The following WBP1L variants were observed in gnomAD, a reference collection of about 807,000 sequenced individuals.
WBP1L encodes WW domain binding protein 1-like.
Under a neutral mutation model 33.7 loss-of-function variants are expected in WBP1L, and 17 were observed. That is an observed-to-expected ratio of 0.50 (90% confidence interval 0.34 to 0.76). WBP1L has a LOEUF of 0.76. Among genes scored for constraint, WBP1L ranks in the 30% least tolerant of loss-of-function variants. The probability of loss-of-function intolerance (pLI) is 0.01; values close to 1 mark genes in which losing one functional copy is unlikely to be tolerated. For synonymous variants in WBP1L, 173 were observed against 190.8 expected (o/e 0.91, Z 0.77); for missense variants, 389 against 469.4 (o/e 0.83, Z 1.58).
intron 1 of WBP1L, among the ~76,000 whole-genome samples, chr10:102,789,405 G>C (rs1372085856): frequency 6.6e-6 from 1 of 152,274 alleles, no homozygotes. Flanking sequence ...CACCAAGCTT[G>C]TTTCTGCCCT....
chr10:102,769,975 T>C (rs1011998504), intron 1 of WBP1L, among the ~76,000 whole-genome samples: 1 of 152,230 alleles, frequency 6.6e-6, no homozygotes, highest in African/African-American at 2.4e-5. Flanking sequence ...GTGTGTGTTT[T>C]CTTGCCTCAG....
intron 1 of WBP1L, among the ~76,000 whole-genome samples, chr10:102,766,351 G>A (rs1419729283): frequency 7.0e-6 from 1 of 142,014 alleles, no homozygotes; most frequent in Non-Finnish European, 1.5e-5. Context: ...TGAGGTAGGA[G>A]AATTTCTTGA....
At chr10:102,749,120 G>T (rs1842898434) in intron 1 of WBP1L, among the ~76,000 whole-genome samples, 3 of 152,202 alleles carry the variant, frequency 2.0e-5, no homozygotes, top group South Asian at 4.1e-4. Flanking sequence ...CTTCTGTGAT[G>T]CTGGAAATGA....
intron 1 of WBP1L, among the ~76,000 whole-genome samples, chr10:102,749,468 T>G (rs1336573766): frequency 6.6e-6 from 1 of 151,338 alleles, no homozygotes; most frequent in African/African-American, 2.4e-5. Flanking sequence ...TTTTTTTCTC[T>G]CTAATAAAAA....
chr10:102,810,475 CTCCTTCCTTCCTTCCCTCCTTCCT>C (rs1843817393), intron 3 of WBP1L, among the ~76,000 whole-genome samples: 3 of 55,630 alleles, frequency 5.4e-5, no homozygotes, highest in Non-Finnish European at 8.1e-5. Context: ...CCTTCCTTCC[CTCCTTCCTTCCTTCCCTCCTTCCT>C]TCCTTCCTTC....
At chr10:102,795,924 G>A (rs905511165) in intron 1 of WBP1L, among the ~76,000 whole-genome samples, 3 of 152,206 alleles carry the variant, frequency 2.0e-5, no homozygotes, top group African/African-American at 7.2e-5. Flanking sequence ...AAGTTGACTA[G>A]ATAGCCAGTG....
intron 1 of WBP1L, among the ~76,000 whole-genome samples, chr10:102,749,973 G>A (rs1215075413): frequency 6.6e-6 from 1 of 151,194 alleles, no homozygotes; most frequent in Non-Finnish European, 1.5e-5. Context: ...GTAGATACGG[G>A]GTTTCACCAT....
intron 1 of WBP1L, among the ~76,000 whole-genome samples, chr10:102,751,466 C>A (rs992288391): frequency 2.0e-5 from 3 of 151,846 alleles, no homozygotes. Context: ...CGCACCCACA[C>A]CCAGTTAATT....
At chr10:102,749,217 A>G (rs1842899618) in intron 1 of WBP1L, among the ~76,000 whole-genome samples, 1 of 151,534 alleles carries the variant, frequency 6.6e-6, no homozygotes. Flanking sequence ...TGAGGAACTG[A>G]ATTTTGAAAC....
chr10:102,797,872 A>G (rs1784667458), intron 1 of WBP1L, 121 bp from the exon 2 acceptor site: 1 of 909,938 alleles, frequency 1.1e-6, no homozygotes, highest in Non-Finnish European at 1.7e-6. Context: ...TCTTAATGGA[A>G]TAAACATTGA....
At chr10:102,810,912 C>G (rs1185115900) in intron 3 of WBP1L, among the ~76,000 whole-genome samples, 2 of 149,564 alleles carry the variant, frequency 1.3e-5, no homozygotes, top group African/African-American at 4.9e-5. Flanking sequence ...CTCCCCTCCC[C>G]TTCCTCTTTC....
chr10:102,766,636 C>T (rs117850771), intron 1 of WBP1L, among the ~76,000 whole-genome samples: 33 of 151,298 alleles, frequency 2.2e-4, no homozygotes, highest in East Asian at 1.8e-3. Context: ...AACAAAAAGC[C>T]GGCCTGGCCA....
chr10:102,804,996 A>G (rs1053828372), intron 2 of WBP1L, among the ~76,000 whole-genome samples: 21 of 151,676 alleles, frequency 1.4e-4, no homozygotes, highest in African/African-American at 3.9e-4. Flanking sequence ...AAAAACAACC[A>G]TGTTGGCCAG....
intron 1 of WBP1L, among the ~76,000 whole-genome samples, chr10:102,749,728 C>G (rs894405933): frequency 1.1e-4 from 17 of 151,950 alleles, no homozygotes; most frequent in African/African-American, 4.1e-4. Flanking sequence ...TCCCAAAGTG[C>G]TGGGATTGCA....
intron 1 of WBP1L, among the ~76,000 whole-genome samples, chr10:102,763,658 A>G (rs535202364): frequency 6.6e-6 from 1 of 152,272 alleles, no homozygotes; most frequent in Non-Finnish European, 1.5e-5. Flanking sequence ...CCCTTAGTCC[A>G]ATCCAAGGTC....
At chr10:102,789,854 T>A (rs1843471818) in intron 1 of WBP1L, among the ~76,000 whole-genome samples, 1 of 151,776 alleles carries the variant, frequency 6.6e-6, no homozygotes, top group Non-Finnish European at 1.5e-5. Context: ...GCGATTTTCC[T>A]GCCTCAGCCT....
chr10:102,810,498 CTT>C (rs1843819064), intron 3 of WBP1L, among the ~76,000 whole-genome samples: 6 of 5,498 alleles, frequency 1.1e-3, no homozygotes, highest in Admixed American at 5.6e-3. Context: ...TCCCTCCTTC[CTT>C]CCTTCCTTCC....
intron 1 of WBP1L, among the ~76,000 whole-genome samples, chr10:102,762,432 C>T (rs1270833955): frequency 6.6e-6 from 1 of 152,066 alleles, no homozygotes; most frequent in Non-Finnish European, 1.5e-5. Context: ...TCAGGAAGTT[C>T]CTCTACTTGA....
intron 1 of WBP1L, among the ~76,000 whole-genome samples, chr10:102,782,141 T>C (rs959381133): frequency 4.0e-5 from 6 of 151,130 alleles, no homozygotes; most frequent in Admixed American, 3.3e-4. Context: ...GTGCTGGGAT[T>C]ACAGGTGTGA....
Sources: allele counts gnomAD v4.1 joint callset (sites outside exome capture counted in the v4.1 genomes callset), GRCh38; gene constraint gnomAD v4.1.1; transcripts MANE v1.5; gene names NCBI Gene and HGNC (gene_info 2026-07-23, HGNC 2026-07-21).